Variants in ZNF475 observed in about 807,000 individuals in gnomAD.
ZNF475 encodes the protein zinc finger protein 475.
the ZNF475 span, chr5:122,182,498 CT>C: frequency 6.8e-7 from 1 of 1,473,666 alleles, no homozygotes; most frequent in Non-Finnish European, 8.9e-7. Context: ...CAGCCAAAGG[CT>C]TCTATGATCT....
At chr5:122,161,670 C>A in the ZNF475 span, among the ~76,000 whole-genome samples, 1 of 152,052 alleles carries the variant, frequency 6.6e-6, no homozygotes, top group Admixed American at 6.6e-5. Flanking sequence ...TAATTATATG[C>A]ACTGGACAAA....
At chr5:122,171,957 C>A in the ZNF475 span, among the ~76,000 whole-genome samples, 3 of 152,184 alleles carry the variant, frequency 2.0e-5, no homozygotes, top group African/African-American at 7.2e-5. Context: ...CAGGCTCAGG[C>A]TGGTCTCAAA....
chr5:122,161,641 G>C, the ZNF475 span, among the ~76,000 whole-genome samples: 3 of 152,160 alleles, frequency 2.0e-5, no homozygotes, highest in African/African-American at 7.2e-5. Context: ...AGGTCAGAGA[G>C]CATTTTTTTT....
At chr5:122,166,908 C>T in the ZNF475 span, among the ~76,000 whole-genome samples, 2 of 152,150 alleles carry the variant, frequency 1.3e-5, no homozygotes, top group Non-Finnish European at 2.9e-5. Context: ...CTTGAGGAAT[C>T]GCCACACTGT....
chr5:122,175,355 T>C, the ZNF475 span, among the ~76,000 whole-genome samples: 1 of 152,212 alleles, frequency 6.6e-6, no homozygotes, highest in Admixed American at 6.5e-5. Flanking sequence ...AACCAAGTTT[T>C]ATTTCCCCAA....
the ZNF475 span, among the ~76,000 whole-genome samples, chr5:122,165,515 T>C: frequency 1.3e-5 from 2 of 152,170 alleles, no homozygotes; most frequent in Non-Finnish European, 1.5e-5. Flanking sequence ...GATTAATGAT[T>C]ACAACCGTAT....
the ZNF475 span, among the ~76,000 whole-genome samples, chr5:122,166,480 T>C: frequency 6.6e-6 from 1 of 152,192 alleles, no homozygotes; most frequent in African/African-American, 2.4e-5. Context: ...TATCTCCTAA[T>C]GCTATCTCCC....
chr5:122,182,617 C>G, the ZNF475 span: 54 of 1,535,064 alleles, frequency 3.5e-5, no homozygotes, highest in South Asian at 5.0e-4. Flanking sequence ...CACCAACGAT[C>G]TTGTAAACCC....
At chr5:122,177,528 A>G in the ZNF475 span, among the ~76,000 whole-genome samples, 2 of 152,158 alleles carry the variant, frequency 1.3e-5, no homozygotes, top group African/African-American at 4.8e-5. Context: ...ACCAATATGA[A>G]GAATTCTGGT....
the ZNF475 span, among the ~76,000 whole-genome samples, chr5:122,182,195 T>C: frequency 6.6e-6 from 1 of 152,220 alleles, no homozygotes; most frequent in East Asian, 1.9e-4. Context: ...TATCATACCA[T>C]GTAAAACAAT....
the ZNF475 span, among the ~76,000 whole-genome samples, chr5:122,181,621 T>C: frequency 6.6e-6 from 1 of 152,332 alleles, no homozygotes; most frequent in African/African-American, 2.4e-5. Flanking sequence ...TTGCCTAAGC[T>C]TTAACGAAGT....
At chr5:122,182,342 C>A in the ZNF475 span, 1 of 567,270 alleles carries the variant, frequency 1.8e-6, no homozygotes, top group Non-Finnish European at 2.9e-6. Flanking sequence ...AATACTCAGT[C>A]AACAGGTATT....
the ZNF475 span, among the ~76,000 whole-genome samples, chr5:122,176,500 G>C: frequency 6.6e-6 from 1 of 152,040 alleles, no homozygotes; most frequent in Non-Finnish European, 1.5e-5. Context: ...CAAGTCTTTT[G>C]TACAGCTCTA....
chr5:122,171,699 C>T, the ZNF475 span, among the ~76,000 whole-genome samples: 2 of 151,926 alleles, frequency 1.3e-5, no homozygotes, highest in African/African-American at 2.4e-5. Context: ...CTGCTCCTTC[C>T]CCTGCCAATT....
the ZNF475 span, among the ~76,000 whole-genome samples, chr5:122,166,104 G>C: frequency 6.6e-6 from 1 of 152,154 alleles, no homozygotes; most frequent in African/African-American, 2.4e-5. Flanking sequence ...TTTTTGAGCT[G>C]AATGACCCTA....
At chr5:122,174,785 A>G in the ZNF475 span, among the ~76,000 whole-genome samples, 1 of 152,224 alleles carries the variant, frequency 6.6e-6, no homozygotes, top group Non-Finnish European at 1.5e-5. Flanking sequence ...CATACTTTCC[A>G]TGTGGAATTT....
chr5:122,182,554 T>C, the ZNF475 span: 3 of 1,535,470 alleles, frequency 2.0e-6, no homozygotes, highest in East Asian at 2.4e-5. Context: ...CACAGCCAGT[T>C]GGTTCCCTGT....
chr5:122,171,661 G>A, the ZNF475 span, among the ~76,000 whole-genome samples: 1 of 152,026 alleles, frequency 6.6e-6, no homozygotes, highest in South Asian at 2.1e-4. Context: ...TGAAAAGTGA[G>A]GAATTTAATG....
the ZNF475 span, among the ~76,000 whole-genome samples, chr5:122,175,083 TAA>T: frequency 3.3e-5 from 5 of 152,204 alleles, no homozygotes; most frequent in South Asian, 2.1e-4. Context: ...TTTATTGGCA[TAA>T]GTTAATATAA....
Sources: gnomAD v4.1 joint callset for allele counts (sites outside exome capture counted in the v4.1 genomes callset) on GRCh38, gnomAD v4.1.1 for gene constraint, MANE v1.5 for transcripts, NCBI Gene and HGNC (gene_info 2026-07-23, HGNC 2026-07-21) for gene names.